The following PIN4 variants were observed in gnomAD, a reference collection of about 807,000 sequenced individuals.
PIN4 encodes peptidylprolyl cis/trans isomerase, NIMA-interacting 4.
Under a neutral mutation model 8.3 loss-of-function variants are expected in PIN4, and 3 were observed. The observed-to-expected ratio is 0.36, with a 90% CI of 0.16 to 0.93. The LOEUF is 0.93. PIN4 is among the 40% of genes least tolerant of loss of function. PIN4 has a pLI of 0.44. For missense variants in PIN4, 75 were observed against 100.6 expected, an observed-to-expected ratio of 0.75 and a Z score of 1.09; for synonymous variants, 18 against 32.5, an observed-to-expected ratio of 0.55 and a Z score of 1.52.
At chrX:72,188,016 C>CAG (rs34336014) in intron 2 of PIN4, among the ~76,000 whole-genome samples, 27,695 of 108,560 alleles carry the variant, frequency 0.26, 2,849 homozygotes, top group East Asian at 0.49. Context: ...CTATGCCCCA[C>CAG]AGAGAGAGAG....
chrX:72,263,659 T>C (rs2071385237), exon 4 of PIN4: 2 of 111,964 alleles, frequency 1.8e-5, no homozygotes, highest in Non-Finnish European at 3.8e-5. Context: ...CACGTCAAGC[T>C]GAGCTCTAGG....
chrX:72,202,577 A>G (rs976748301), downstream of PIN4, among the ~76,000 whole-genome samples: 15 of 111,584 alleles, frequency 1.3e-4, no homozygotes, highest in African/African-American at 5.0e-4. Flanking sequence ...CTCCCTTCAC[A>G]TCATGGTGGG....
chrX:72,186,557 T>G (rs1267899800), intron 2 of PIN4, 23 bp downstream of exon 2: 1 of 1,038,069 alleles, frequency 9.6e-7, no homozygotes. Context: ...TTCCTTTTTT[T>G]CCATGTTAAA....
chrX:72,194,527 C>T (rs1437231230), intron 2 of PIN4, among the ~76,000 whole-genome samples: 1 of 104,436 alleles, frequency 9.6e-6, no homozygotes, highest in African/African-American at 3.6e-5. Flanking sequence ...AGCAAGACTC[C>T]GTCTCAGAAA....
intron 3 of PIN4, among the ~76,000 whole-genome samples, chrX:72,232,416 C>CAA (rs11302655): frequency 2.9e-4 from 10 of 35,003 alleles, no homozygotes; most frequent in Non-Finnish European, 3.7e-4. Flanking sequence ...AGACCTGCCT[C>CAA]AAAAAAAAAA....
In PIN4 at chrX:72,192,755, G is replaced by A. The variant is rs768699003; in HGVS notation, c.118-4030G>A. ...ACTACAGATGTGCACCACCATGCCC[G>A]GCTAATTTTTTTTAAAGTTTTTGTA... On this transcript the variant is annotated intron_variant, in intron 2 of 3. Coordinates refer to ENST00000373669, the MANE Select transcript of PIN4 (RefSeq NM_006223.4). 3.3e-4 allele frequency among the ~76,000 whole-genome samples: 36 copies of A among 109,856 alleles called. No individual in the cohort carries two copies. In the East Asian group the frequency reaches 4.9e-3, roughly 15 times the overall value.
chrX:72,207,104 C>A, intron 3 of PIN4: 3 of 1,211,401 alleles, frequency 2.5e-6, no homozygotes, highest in Non-Finnish European at 3.4e-6. Flanking sequence ...CAGCTAGGGT[C>A]AAAAATGACC....
At chrX:72,240,583 C>T (rs1193378169) in intron 3 of PIN4, among the ~76,000 whole-genome samples, 3 of 110,449 alleles carry the variant, frequency 2.7e-5, no homozygotes, top group Admixed American at 9.7e-5. Flanking sequence ...CCGAGGCGGG[C>T]GGATCACCTG....
chrX:72,184,514 G>C (rs2042689181), intron 1 of PIN4, among the ~76,000 whole-genome samples: 1 of 110,874 alleles, frequency 9.0e-6, no homozygotes, highest in African/African-American at 3.3e-5. Flanking sequence ...CAAGGTAATG[G>C]CAGGAGTGAG....
intron 3 of PIN4, among the ~76,000 whole-genome samples, chrX:72,262,107 C>T (rs769330597): frequency 8.9e-6 from 1 of 111,988 alleles, no homozygotes; most frequent in East Asian, 2.8e-4. Flanking sequence ...GCACCTCGTG[C>T]TTCCCTTCTC....
At chrX:72,252,770 C>A (rs906551398) in intron 3 of PIN4, among the ~76,000 whole-genome samples, 1 of 111,846 alleles carries the variant, frequency 8.9e-6, no homozygotes, top group Middle Eastern at 4.6e-3. Flanking sequence ...TCAAAGGCCC[C>A]ACCTCCTAAT....
Position 72,195,640 on chromosome X carries a change from C to CA in PIN4, c.118-1136dup, listed in dbSNP as rs1313911390. Among the ~76,000 whole-genome samples the CA allele has an allele frequency of 1.7e-3, 183 of 108,119 alleles. 1 individual carries two copies. The highest frequency in any genetic ancestry group is 4.8e-3 in the Middle Eastern group (1 of 209). 93.9% of individuals were successfully genotyped at this position (108,119 alleles called of 115,157 possible). ...TGGGCAACAGACGGAGACTCTGTCT[C>CA]AAAAAAAAAGATAGAAATACTTTCT... On this transcript the variant is annotated intron_variant, in intron 2 of 3. Transcript: ENST00000373669.
chrX:72,246,497 T>G, intron 3 of PIN4, among the ~76,000 whole-genome samples: 1 of 111,529 alleles, frequency 9.0e-6, no homozygotes, highest in Non-Finnish European at 1.9e-5. Context: ...TCTAAATCCT[T>G]CAAAGCCCCC....
At chrX:72,242,692 C>A (rs2043053425) in intron 3 of PIN4, among the ~76,000 whole-genome samples, 1 of 112,611 alleles carries the variant, frequency 8.9e-6, no homozygotes, top group Non-Finnish European at 1.9e-5. Context: ...GCTCCCATTC[C>A]CCCAGCGTCT....
intron 3 of PIN4, chrX:72,205,495 C>A (rs1054753460): frequency 1.7e-6 from 2 of 1,211,629 alleles, no homozygotes; most frequent in Admixed American, 4.3e-5. Context: ...AGCCAGAGAT[C>A]TTCTAGAGTT....
intron 3 of PIN4, among the ~76,000 whole-genome samples, chrX:72,214,280 A>G (rs2042874222): frequency 8.9e-6 from 1 of 112,306 alleles, no homozygotes; most frequent in Non-Finnish European, 1.9e-5. Context: ...TAAATTAGGG[A>G]AAAATGTGGT....
chrX:72,251,937 A>C (rs1169729106), intron 3 of PIN4, among the ~76,000 whole-genome samples: 1 of 111,066 alleles, frequency 9.0e-6, no homozygotes, highest in Non-Finnish European at 1.9e-5. Context: ...TCTAAAAAAA[A>C]CCAAAAAATT....
intron 3 of PIN4, among the ~76,000 whole-genome samples, chrX:72,249,101 G>A (rs1359661755): frequency 1.8e-5 from 2 of 111,379 alleles, no homozygotes; most frequent in Non-Finnish European, 3.8e-5. Flanking sequence ...TATATAAAGA[G>A]CTCCTACAAA....
At chrX:72,231,611 T>C (rs1476851705) in intron 3 of PIN4, among the ~76,000 whole-genome samples, 1 of 110,261 alleles carries the variant, frequency 9.1e-6, no homozygotes, top group African/African-American at 3.3e-5. Flanking sequence ...GAGTGCAGTG[T>C]GCCATGATCT....
Sources: allele counts gnomAD v4.1 joint callset (sites outside exome capture counted in the v4.1 genomes callset), GRCh38; gene constraint gnomAD v4.1.1; transcripts MANE v1.5; gene names NCBI Gene and HGNC (gene_info 2026-07-23, HGNC 2026-07-21).